CMIP: variants seen among roughly 807,000 people sequenced by gnomAD.
CMIP encodes the protein c-Maf inducing protein.
In CMIP, 13 loss-of-function variants were observed where a neutral mutation model predicts 97.3. The observed-to-expected ratio is 0.13, with a 90% CI of 0.09 to 0.21. CMIP has a LOEUF of 0.21. CMIP is among the 10% of genes least tolerant of loss of function. CMIP has a pLI of 1.00. For missense variants in CMIP, 847 were observed against 1,024.9 expected, an observed-to-expected ratio of 0.83 and a Z score of 2.37; for synonymous variants, 538 against 436.3, an observed-to-expected ratio of 1.23 and a Z score of -2.91.
intron 1 of CMIP, among the ~76,000 whole-genome samples, chr16:81,592,134 G>A (rs147609380): frequency 0.012 from 1,866 of 152,172 alleles, 39 homozygotes; most frequent in African/African-American, 0.043. Flanking sequence ...GCAGTTTACT[G>A]TTTATATTTT....
In CMIP at chr16:81,619,206, C is replaced by T. The variant is rs190069754; in HGVS notation, c.427-1670C>T. 1.0e-3 allele frequency: 152 copies of T among 152,386 alleles called. 2 individuals are homozygous for T. Among genetic ancestry groups the T allele is most frequent in the Admixed American group, 9.7e-3 (149 of 15,304 alleles). The allele number at this position is 152,386 out of a possible 1,614,324, so 9.4% of individuals were successfully genotyped here. On this transcript the variant is annotated intron_variant, in intron 2 of 20. Transcript: ENST00000537098. ...TGCTTTGCACTTGGGTAGACTCAAGCTCCACCAGCATCAGGGTGGCTGGTG... is the reference window on the plus strand; with the variant it reads ...TGCTTTGCACTTGGGTAGACTCAAGTTCCACCAGCATCAGGGTGGCTGGTG...
chr16:81,638,133 T>C lies in CMIP; in HGVS notation c.478-14070T>C, dbSNP rs562960768. ...CCCCTCACTCCGGTGTCTGCCTCCA[T>C]GGTCACATGGCCTGCGCCTCCTCTG... is the stretch of plus-strand genomic sequence containing the variant. On this transcript the variant is annotated intron_variant, in intron 3 of 20. Coordinates refer to ENST00000537098, the MANE Select transcript of CMIP (RefSeq NM_198390.3). Among the ~76,000 whole-genome samples the C allele has an allele frequency of 1.2e-4, 18 of 152,342 alleles. No homozygotes were observed. The South Asian group carries it at 3.3e-3, about 28-fold the overall frequency.
chr16:81,670,647 CTTTG>C (rs756732421), intron 8 of CMIP, among the ~76,000 whole-genome samples: 5 of 133,686 alleles, frequency 3.7e-5, no homozygotes, highest in African/African-American at 8.2e-5. Flanking sequence ...GTTGCTTTTG[CTTTG>C]TTTAATTTTA....
At chr16:81,556,948 A>G (rs1038743118) in intron 1 of CMIP, among the ~76,000 whole-genome samples, 2 of 152,242 alleles carry the variant, frequency 1.3e-5, no homozygotes, top group African/African-American at 2.4e-5. Context: ...ACTCAATGTC[A>G]TGTGGTGCCC....
chr16:81,691,595 T>A, intron 10 of CMIP, 180 bp from the exon 11 acceptor site: 2 of 637,398 alleles, frequency 3.1e-6, no homozygotes, highest in Non-Finnish European at 5.7e-6. Context: ...TTGTGAGTCC[T>A]TGAGGCCACG....
chr16:81,682,464 C>G (rs1201076946), intron 10 of CMIP, among the ~76,000 whole-genome samples: 2 of 151,918 alleles, frequency 1.3e-5, no homozygotes, highest in East Asian at 3.9e-4. Context: ...ACTTGGGAGG[C>G]TGAGGCAGGA....
At chr16:81,545,915 C>T (rs2090537817) in intron 1 of CMIP, among the ~76,000 whole-genome samples, 1 of 152,110 alleles carries the variant, frequency 6.6e-6, no homozygotes, top group African/African-American at 2.4e-5. Flanking sequence ...TTGCTTCAAG[C>T]GGTGTCACCC....
At chr16:81,474,566 A>C (rs1364235356) in intron 1 of CMIP, among the ~76,000 whole-genome samples, 1 of 152,178 alleles carries the variant, frequency 6.6e-6, no homozygotes, top group Non-Finnish European at 1.5e-5. Context: ...GAACTGAGTC[A>C]GGTCAGAGGA....
intron 10 of CMIP, among the ~76,000 whole-genome samples, chr16:81,684,746 G>A (rs931225911): frequency 2.6e-5 from 4 of 152,212 alleles, no homozygotes; most frequent in Non-Finnish European, 5.9e-5. Context: ...GGCATGTTGG[G>A]GTCAGCAGGA....
chr16:81,551,805 C>T (rs146465220), intron 1 of CMIP, among the ~76,000 whole-genome samples: 1,695 of 152,306 alleles, frequency 0.011, 20 homozygotes, highest in Middle Eastern at 0.027. Context: ...GTGGACAGTT[C>T]CCCTGGATGC....
chr16:81,456,721 T>C (rs1464368965), intron 1 of CMIP, among the ~76,000 whole-genome samples: 1 of 152,216 alleles, frequency 6.6e-6, no homozygotes, highest in Non-Finnish European at 1.5e-5. Context: ...AGAGTATCAC[T>C]GCCTGTGGCT....
At chr16:81,535,424 C>T (rs1321535471) in intron 1 of CMIP, among the ~76,000 whole-genome samples, 1 of 150,188 alleles carries the variant, frequency 6.7e-6, no homozygotes, top group Non-Finnish European at 1.5e-5. Flanking sequence ...CTTCCCTGTG[C>T]TTCTTTCCTG....
rs981736278 is a variant in CMIP, at chr16:81,605,822, T to G, written c.301-1745T>G. ...TCTGTTTGCCCACTAAGCTCCTGTC[T>G]TATTCACTGCTGAATCTCCAGCACC... On this transcript the variant is annotated intron_variant, in intron 1 of 20. Transcript: ENST00000537098. 5.3e-5 allele frequency among the ~76,000 whole-genome samples: 8 copies of G among 152,254 alleles called. 1 individual carries two copies. Among genetic ancestry groups the G allele is most frequent in the African/African-American group, 1.2e-4 (5 of 41,468 alleles).
chr16:81,652,401 C>T lies in CMIP; in HGVS notation c.639+37C>T, dbSNP rs1304431333. On this transcript the variant is annotated intron_variant, in intron 4 of 20. Transcript: ENST00000537098. This position sits in a 1 kb window ranked among gnomAD's most constrained non-coding sequence, Gnocchi z 5.2. The stretch of plus-strand genomic sequence containing the variant: ...CCCCTGGACCCCTTTACATTGTTTG[C>T]CTTTCCCTCCACCGATCACCGGCTC... 2 of 1,562,866 alleles carry T rather than the reference C, an allele frequency of 1.3e-6. No homozygotes were observed. The highest frequency in any genetic ancestry group is 1.4e-5 in the African/African-American group (1 of 73,428).
chr16:81,482,625 C>G (rs571958489), intron 1 of CMIP, among the ~76,000 whole-genome samples: 2 of 152,170 alleles, frequency 1.3e-5, no homozygotes, highest in Non-Finnish European at 2.9e-5. Context: ...CCCTGCCCCT[C>G]CCCCACCTAG....
At chr16:81,695,169 G>T (rs764183044) in intron 13 of CMIP, among the ~76,000 whole-genome samples, 1 of 152,206 alleles carries the variant, frequency 6.6e-6, no homozygotes, top group Non-Finnish European at 1.5e-5. Flanking sequence ...CCCTGGCCAA[G>T]GTCCCACACC....
chr16:81,660,805 A>C (rs2092537063), intron 5 of CMIP, 79 bp from the exon 6 acceptor site: 4 of 1,488,406 alleles, frequency 2.7e-6, no homozygotes, highest in African/African-American at 1.4e-5. Flanking sequence ...TTCACTTCAC[A>C]ATATGGCCTG....
chr16:81,520,280 T>A (rs1264829767), intron 1 of CMIP: 1 of 152,240 alleles, frequency 6.6e-6, no homozygotes, highest in African/African-American at 2.4e-5. Context: ...CCTCGATTTC[T>A]TCATCTCTAG....
intron 2 of CMIP, among the ~76,000 whole-genome samples, chr16:81,615,636 CTGTA>C (rs1156994042): frequency 3.0e-5 from 4 of 135,288 alleles, no homozygotes; most frequent in African/African-American, 5.6e-5. Flanking sequence ...GTATGTGTAA[CTGTA>C]TGGTGTGTGT....
Sources: allele counts gnomAD v4.1 joint callset (sites outside exome capture counted in the v4.1 genomes callset), GRCh38; gene constraint gnomAD v4.1.1; non-coding constraint Gnocchi (gnomAD v3.1); transcripts MANE v1.5; gene names NCBI Gene and HGNC (gene_info 2026-07-23, HGNC 2026-07-21).